BRWD1: variants seen among roughly 807,000 people sequenced by gnomAD.
BRWD1 encodes the protein bromodomain and WD repeat domain containing 1.
In BRWD1, 82 loss-of-function variants were observed where a neutral mutation model predicts 251.2. The ratio of observed to expected loss-of-function variants is 0.33; its 90% CI spans 0.27 to 0.39. BRWD1 has a LOEUF of 0.39. BRWD1 is among the 10% of genes least tolerant of loss of function. The pLI is 1.00. For synonymous variants in BRWD1, 918 were observed against 902.8 expected (o/e 1.02, Z -0.30); for missense variants, 2,233 against 2,711.6 (o/e 0.82, Z 3.92).
intron 8 of BRWD1, among the ~76,000 whole-genome samples, chr21:39,292,122 TGGGTGGG>T (rs2035828732): frequency 9.2e-4 from 2 of 2,184 alleles, no homozygotes; most frequent in African/African-American, 3.5e-3. Flanking sequence ...TTGTGGGGGG[TGGGTGGG>T]GGTGGGGGGG....
At chr21:39,258,211 T>C (rs1385702721) in intron 18 of BRWD1, among the ~76,000 whole-genome samples, 4 of 152,108 alleles carry the variant, frequency 2.6e-5, no homozygotes, top group Non-Finnish European at 5.9e-5. Context: ...TGGTTTTATT[T>C]TAAAAACCAA....
Position 39,194,337 on chromosome 21 carries a change from G to T in BRWD1, c.*1922C>A, listed in dbSNP as rs1312078753. 1 of 1,036,040 alleles carries T rather than the reference G, an allele frequency of 9.7e-7. No homozygotes were observed. Among genetic ancestry groups the T allele is most frequent in the Non-Finnish European group, 1.2e-6 (1 of 861,478 alleles). The allele number at this position is 1,036,040 out of a possible 1,614,324, so 64.2% of individuals were successfully genotyped here. On this transcript the variant is annotated 3_prime_UTR_variant, in exon 41 of 41. Transcript: ENST00000342449. ...CTGAGAACAGATTATAAAAGAGAAG[G>T]TTAAGAAGAGTTTAAATAAATTAAT... is the stretch of plus-strand genomic sequence containing the variant.
chr21:39,206,830 T>A (rs2032414484), intron 36 of BRWD1, among the ~76,000 whole-genome samples: 1 of 152,224 alleles, frequency 6.6e-6, no homozygotes, highest in South Asian at 2.1e-4. Flanking sequence ...ATGTTTACAA[T>A]TAAATAACAT....
At chr21:39,226,651 G>A (rs937845396) in intron 27 of BRWD1, among the ~76,000 whole-genome samples, 4 of 152,088 alleles carry the variant, frequency 2.6e-5, no homozygotes, top group African/African-American at 7.2e-5. Flanking sequence ...GTGGCTGTAT[G>A]TTTTTCTTCA....
chr21:39,315,626 T>C (rs141639847), upstream of BRWD1: 13 of 143,744 alleles, frequency 9.0e-5, no homozygotes, highest in African/African-American at 3.2e-4. Context: ...AAGGCGAGAC[T>C]CCGTCTCCAA....
intron 4 of BRWD1, among the ~76,000 whole-genome samples, chr21:39,307,470 T>C (rs553519514): frequency 2.0e-5 from 3 of 152,310 alleles, no homozygotes; most frequent in East Asian, 1.9e-4. Flanking sequence ...TGTTTGTATG[T>C]ATATATTGCA....
chr21:39,203,438 C>CTTTTTTGTTTTTTTTTTT (rs2032215558), intron 37 of BRWD1, among the ~76,000 whole-genome samples: 1 of 67,716 alleles, frequency 1.5e-5, no homozygotes, highest in Non-Finnish European at 2.9e-5. Flanking sequence ...GACCCTGGTT[C>CTTTTTTGTTTTTTTTTTT]TTTTTTTTTT....
intron 4 of BRWD1, among the ~76,000 whole-genome samples, chr21:39,300,257 G>C (rs1447745539): frequency 6.6e-6 from 1 of 152,136 alleles, no homozygotes; most frequent in Non-Finnish European, 1.5e-5. Flanking sequence ...ATGCACTGTA[G>C]TGGCCCTCCT....
intron 29 of BRWD1, among the ~76,000 whole-genome samples, chr21:39,222,695 G>C (rs2033225453): frequency 6.6e-6 from 1 of 152,136 alleles, no homozygotes; most frequent in Non-Finnish European, 1.5e-5. Context: ...ACTAACACAT[G>C]TAAGACAATG....
chr21:39,191,518 CTT>C lies in BRWD1; in HGVS notation c.*4739_*4740del, dbSNP rs1306078869. The C allele has an allele frequency of 1.0e-6, 1 of 979,982 alleles. No individual in the cohort carries two copies. The highest frequency in any genetic ancestry group is 1.1e-4 in the East Asian group (1 of 8,780). 60.7% of individuals were successfully genotyped at this position (979,982 alleles called of 1,614,324 possible). On this transcript the variant is annotated 3_prime_UTR_variant, in exon 41 of 41. Coordinates refer to ENST00000342449, the MANE Select transcript of BRWD1 (RefSeq NM_033656.4). Reference sequence around the variant, plus strand: ...TAGATTAATTTAGAACATTAACGATCTTATGTGAAGTGGAAAACTAAAGATCT... The same window carrying C: ...TAGATTAATTTAGAACATTAACGATCATGTGAAGTGGAAAACTAAAGATCT...
In BRWD1 at chr21:39,191,490, G is replaced by A. The variant is rs2031552672; in HGVS notation, c.*4769C>T. The A allele has an allele frequency of 4.1e-6, 4 of 973,904 alleles. No individual in the cohort carries two copies. Among genetic ancestry groups the A allele is most frequent in the Non-Finnish European group, 4.9e-6 (4 of 819,554 alleles). The allele number at this position is 973,904 out of a possible 1,614,324, so 60.3% of individuals were successfully genotyped here. The stretch of plus-strand genomic sequence containing the variant: ...AAGAACTGACAAAAATCATCTAAAT[G>A]AATAGATTAATTTAGAACATTAACG... On this transcript the variant is annotated 3_prime_UTR_variant, in exon 41 of 41. Transcript: ENST00000342449.
Position 39,313,592 on chromosome 21 carries a change from C to CCGG in BRWD1, c.-102_-101insCCG, listed in dbSNP as rs879043684. The CCGG allele has an allele frequency of 6.2e-5, 17 of 275,040 alleles. No homozygotes were observed. The highest frequency in any genetic ancestry group is 1.4e-3 in the Middle Eastern group (1 of 734). 17.0% of individuals were successfully genotyped at this position (275,040 alleles called of 1,614,324 possible). A position where few individuals can be genotyped will look rare whatever the true frequency, so the allele number is the denominator to read the frequency against. ...GGCGTCCCCTCTTCTCAGGCGCGCGCCGCCGCCGCCGCCGCCGCCGCCATA... is the reference window on the plus strand; with the variant it reads ...GGCGTCCCCTCTTCTCAGGCGCGCGCCGGCGCCGCCGCCGCCGCCGCCGCCATA... On this transcript the variant is annotated 5_prime_UTR_variant, in exon 1 of 41. Coordinates refer to ENST00000342449, the MANE Select transcript of BRWD1 (RefSeq NM_033656.4).
At position 39,196,669 on chromosome 21, in the gene BRWD1, C is replaced by G; in HGVS notation, c.6400G>C (p.Glu2134Gln). ...TCAGAGATTTTCACATTTTCCAATTCAGGATGCGATCTCTTCCTTTTTACT... is the reference window on the plus strand; with the variant it reads ...TCAGAGATTTTCACATTTTCCAATTGAGGATGCGATCTCTTCCTTTTTACT... ...KEVKRKRSHP[E>Q]LENVKISETT... Residue 2134 changes from glutamate (E) to glutamine (Q), a missense_variant, in exon 41 of 41, where the codon GAA becomes CAA. Glu to Gln is a conservative substitution (Grantham distance 29, BLOSUM62 2). Coordinates refer to ENST00000342449, the MANE Select transcript of BRWD1 (RefSeq NM_033656.4). 1 of 1,613,868 alleles carries G rather than the reference C, an allele frequency of 6.2e-7. No individual in the cohort carries two copies. Among genetic ancestry groups the G allele is most frequent in the Non-Finnish European group, 8.5e-7 (1 of 1,179,862 alleles).
At chr21:39,309,625 C>A (rs374982021) in intron 4 of BRWD1, among the ~76,000 whole-genome samples, 1 of 151,354 alleles carries the variant, frequency 6.6e-6, no homozygotes, top group Non-Finnish European at 1.5e-5. Flanking sequence ...GAGATCGAGA[C>A]CATCCTGGCT....
intron 17 of BRWD1, among the ~76,000 whole-genome samples, chr21:39,263,889 C>CTA (rs1199682487): frequency 6.6e-6 from 1 of 152,148 alleles, no homozygotes; most frequent in Non-Finnish European, 1.5e-5. Flanking sequence ...ACAGTATGCT[C>CTA]TATTAAGACT....
intron 19 of BRWD1, among the ~76,000 whole-genome samples, chr21:39,253,286 C>CAAAAAAAAAAAA: frequency 1.2e-5 from 1 of 83,820 alleles, no homozygotes; most frequent in Non-Finnish European, 2.2e-5. Flanking sequence ...GAAACTGTCT[C>CAAAAAAAAAAAA]AAAAAAAAAA....
At chr21:39,256,178 T>C (rs1299013553) in intron 18 of BRWD1, among the ~76,000 whole-genome samples, 1 of 152,192 alleles carries the variant, frequency 6.6e-6, no homozygotes, top group Non-Finnish European at 1.5e-5. Flanking sequence ...CATTAACTAT[T>C]AAACCTCAAT....
intron 36 of BRWD1, among the ~76,000 whole-genome samples, chr21:39,209,291 TA>T (rs958571807): frequency 6.6e-6 from 1 of 150,774 alleles, no homozygotes; most frequent in Admixed American, 6.6e-5. Context: ...ACCTTTTCTT[TA>T]AAAAAAAATA....
At position 39,195,638 on chromosome 21, in the gene BRWD1, T is replaced by TAA. The variant is rs1266634534; in HGVS notation, c.*619_*620dup. ...AACATAAAAGTGACAACGTTTTCCT[T>TAA]AAGAAGAAAAAAACCCAACAGCACT... On this transcript the variant is annotated 3_prime_UTR_variant, in exon 41 of 41. Coordinates refer to ENST00000342449, the MANE Select transcript of BRWD1 (RefSeq NM_033656.4). The TAA allele has an allele frequency of 1.0e-6, 1 of 984,580 alleles. No individual in the cohort carries two copies. Among genetic ancestry groups the TAA allele is most frequent in the Non-Finnish European group, 1.2e-6 (1 of 829,158 alleles). 61.0% of individuals were successfully genotyped at this position (984,580 alleles called of 1,614,324 possible). A position where few individuals can be genotyped will look rare whatever the true frequency, so the allele number is the denominator to read the frequency against.
Sources: gnomAD v4.1 joint callset for allele counts (sites outside exome capture counted in the v4.1 genomes callset) on GRCh38, gnomAD v4.1.1 for gene constraint, MANE v1.5 for transcripts, NCBI Gene and HGNC (gene_info 2026-07-23, HGNC 2026-07-21) for gene names.